SDHAF4: variants seen among roughly 807,000 people sequenced by gnomAD.
SDHAF4 encodes the protein succinate dehydrogenase assembly factor 4, mitochondrial.
A neutral mutation model predicts 14.3 loss-of-function variants in SDHAF4; 14 were observed. The ratio of observed to expected loss-of-function variants is 0.98; its 90% CI spans 0.65 to 1.53. The LOEUF (loss-of-function observed/expected upper bound fraction) is 1.53, where lower values mean the gene tolerates loss of function less well. Ranked by LOEUF, SDHAF4 falls within the 40% of genes most tolerant of loss-of-function variation. The pLI is 0.00. For synonymous variants in SDHAF4, 63 were observed against 47.3 expected (o/e 1.33, Z -1.36); for missense variants, 141 against 129.3 (o/e 1.09, Z -0.44).
chr6:70,585,832 G>A (rs1249731883), intron 2 of SDHAF4, among the ~76,000 whole-genome samples: 1 of 57,458 alleles, frequency 1.7e-5, no homozygotes, highest in Non-Finnish European at 3.8e-5. Flanking sequence ...TCTTTTGCCT[G>A]AGGGGCTTTA....
At position 70,579,427 on chromosome 6, in the gene SDHAF4, G is replaced by A; in HGVS notation, c.78G>A (p.Leu26=). Reference sequence around the variant, plus strand: ...CCACTCTTCTAGGATCACCCCTTCTGTGTCATTCTCTGAGGAAAACAAGTT... The same window carrying A: ...CCACTCTTCTAGGATCACCCCTTCTATGTCATTCTCTGAGGAAAACAAGTT... ...TAWRAARSPL[L]CHSLRKTSSS... The change falls in exon 2 of 3, where the codon CTG becomes CTA. Residue 26 remains leucine (L), a synonymous_variant. Transcript: ENST00000370474. 1.2e-6 allele frequency: 2 copies of A among 1,601,758 alleles called. No individual in the cohort carries two copies. The highest frequency in any genetic ancestry group is 1.1e-5 in the South Asian group (1 of 88,994).
chr6:70,591,334 A>ATTTTTT (rs76350573), downstream of SDHAF4, among the ~76,000 whole-genome samples: 5 of 101,276 alleles, frequency 4.9e-5, no homozygotes, highest in Non-Finnish European at 9.9e-5. Context: ...GAGAGGAAAG[A>ATTTTTT]TTTTTTTTTT....
downstream of SDHAF4, among the ~76,000 whole-genome samples, chr6:70,591,472 C>T (rs1322449753): frequency 6.7e-6 from 1 of 149,832 alleles, no homozygotes; most frequent in Non-Finnish European, 1.5e-5. Context: ...GCTGGGACTA[C>T]AGGCACTCGC....
intron 1 of SDHAF4, among the ~76,000 whole-genome samples, chr6:70,569,444 A>G (rs1202734698): frequency 1.3e-5 from 2 of 151,642 alleles, no homozygotes; most frequent in Non-Finnish European, 2.9e-5. Context: ...AATTTTTTGT[A>G]TTTTTGGTAG....
chr6:70,579,946 T>C (rs1802299913), intron 2 of SDHAF4, among the ~76,000 whole-genome samples: 1 of 152,118 alleles, frequency 6.6e-6, no homozygotes, highest in Admixed American at 6.5e-5. Context: ...ACTTTATATA[T>C]GTAATGTACA....
At chr6:70,588,485 A>G (rs932850775) in intron 2 of SDHAF4, 130 bp from the exon 3 acceptor site, 12 of 434,732 alleles carry the variant, frequency 2.8e-5, no homozygotes, top group Non-Finnish European at 5.0e-5. Flanking sequence ...ACGCCACTGC[A>G]ATCCAGCCTG....
chr6:70,594,376 A>C (rs1452468462), downstream of SDHAF4, among the ~76,000 whole-genome samples: 1 of 152,180 alleles, frequency 6.6e-6, no homozygotes, highest in Non-Finnish European at 1.5e-5. Flanking sequence ...CAACTATGCT[A>C]TTTGACAGGT....
At chr6:70,591,319 G>A (rs191122002), downstream of SDHAF4, among the ~76,000 whole-genome samples, 21 of 145,110 alleles carry the variant, frequency 1.4e-4, no homozygotes, top group East Asian at 1.8e-3. Context: ...GTCTCTAGGC[G>A]TTGTGAGAGG....
At chr6:70,582,347 G>A (rs1438657766) in intron 2 of SDHAF4, among the ~76,000 whole-genome samples, 1 of 152,144 alleles carries the variant, frequency 6.6e-6, no homozygotes, top group East Asian at 1.9e-4. Context: ...TTACAGGCAT[G>A]AGCCACCACG....
chr6:70,593,269 C>T (rs1217263786), downstream of SDHAF4, among the ~76,000 whole-genome samples: 3 of 152,260 alleles, frequency 2.0e-5, no homozygotes, highest in African/African-American at 4.8e-5. Context: ...ACAGCAAGAG[C>T]TGTGAGGCAT....
chr6:70,569,668 T>C (rs2030999327), intron 1 of SDHAF4, among the ~76,000 whole-genome samples: 2 of 152,248 alleles, frequency 1.3e-5, no homozygotes, highest in African/African-American at 2.4e-5. Context: ...CTAGGCAGAA[T>C]AGAATAACGG....
the SDHAF4 span, among the ~76,000 whole-genome samples, chr6:70,594,836 C>T: frequency 1.3e-5 from 2 of 151,476 alleles, no homozygotes; most frequent in East Asian, 1.9e-4. Flanking sequence ...CACTTGAACC[C>T]GGGAGGCGGA....
intron 1 of SDHAF4, among the ~76,000 whole-genome samples, chr6:70,578,891 G>A (rs978780972): frequency 6.6e-6 from 1 of 152,060 alleles, no homozygotes; most frequent in Non-Finnish European, 1.5e-5. Context: ...ATGTTACCCA[G>A]ACTAGAATTG....
At chr6:70,594,135 TA>T (rs1464697858), downstream of SDHAF4, among the ~76,000 whole-genome samples, 1 of 152,214 alleles carries the variant, frequency 6.6e-6, no homozygotes, top group Admixed American at 6.5e-5. Context: ...TGGAAGTAGA[TA>T]AATTGTTTTC....
rs900915316 is a variant in SDHAF4, at chr6:70,573,452, C to T, written c.65-5962C>T. On this transcript the variant is annotated intron_variant, in intron 1 of 2. Coordinates refer to ENST00000370474, the MANE Select transcript of SDHAF4 (RefSeq NM_145267.3). Reference sequence around the variant, plus strand: ...CTAATTTTTGTATTTCAAGTAGAGACGCAGTTTCACCAGATTGGCCTGGCT... The same window carrying T: ...CTAATTTTTGTATTTCAAGTAGAGATGCAGTTTCACCAGATTGGCCTGGCT... 1.9e-4 allele frequency among the ~76,000 whole-genome samples: 29 copies of T among 150,870 alleles called. 1 individual carries two copies. The highest frequency in any genetic ancestry group is 6.8e-4 in the African/African-American group (28 of 41,006).
intron 2 of SDHAF4, among the ~76,000 whole-genome samples, chr6:70,580,619 C>T (rs1335159104): frequency 4.6e-5 from 7 of 152,162 alleles, no homozygotes; most frequent in African/African-American, 1.7e-4. Context: ...GTGGCATATA[C>T]ATCCGGTGGA....
At chr6:70,576,998 C>A (rs1802264085) in intron 1 of SDHAF4, among the ~76,000 whole-genome samples, 1 of 152,200 alleles carries the variant, frequency 6.6e-6, no homozygotes, top group South Asian at 2.1e-4. Context: ...GTTAGCAGGG[C>A]TGTGTTCCTT....
At chr6:70,583,726 G>A (rs995893982) in intron 2 of SDHAF4, among the ~76,000 whole-genome samples, 3 of 152,120 alleles carry the variant, frequency 2.0e-5, no homozygotes, top group Non-Finnish European at 4.4e-5. Flanking sequence ...AAAACTCAAT[G>A]TTTTAAGAAA....
chr6:70,581,177 C>G (rs1384599407), intron 2 of SDHAF4, among the ~76,000 whole-genome samples: 2 of 151,904 alleles, frequency 1.3e-5, no homozygotes, highest in Admixed American at 6.6e-5. Flanking sequence ...TGACCAACCC[C>G]CCTCGGCCTC....
Sources: gnomAD v4.1 joint callset for allele counts (sites outside exome capture counted in the v4.1 genomes callset) on GRCh38, gnomAD v4.1.1 for gene constraint, MANE v1.5 for transcripts, NCBI Gene and HGNC (gene_info 2026-07-23, HGNC 2026-07-21) for gene names.